Variants in ADAM12 observed in about 807,000 individuals in gnomAD.
The protein encoded by ADAM12 is ADAM metallopeptidase domain 12, also known as disintegrin and metalloproteinase domain-containing protein 12.
ADAM12 carries 70 observed loss-of-function variants against 106.4 expected under a neutral mutation model. The ratio of observed to expected loss-of-function variants is 0.66; its 90% CI spans 0.54 to 0.80. ADAM12 has a LOEUF of 0.80. Ranked by LOEUF, ADAM12 falls within the 30% of genes least tolerant of loss-of-function variation. The pLI, the probability that ADAM12 is intolerant of heterozygous loss-of-function variation, is 0.00. For synonymous variants in ADAM12, 420 were observed against 433.5 expected, an observed-to-expected ratio of 0.97 and a Z score of 0.39; for missense variants, 1,010 against 1,171.9, an observed-to-expected ratio of 0.86 and a Z score of 2.02.
intron 3 of ADAM12, among the ~76,000 whole-genome samples, chr10:126,184,423 C>T (rs76184798): frequency 0.065 from 9,910 of 152,214 alleles, 610 homozygotes; most frequent in African/African-American, 0.15. Flanking sequence ...TTTAATATGG[C>T]GCAAAGCTTG....
chr10:126,041,234 G>T, intron 18 of ADAM12: 1 of 672,668 alleles, frequency 1.5e-6, no homozygotes, highest in Non-Finnish European at 1.8e-6. Flanking sequence ...AGACACACAA[G>T]TACTTGTTTA....
rs1241053846 is a variant in ADAM12 at position 126,071,472 on chromosome 10, C to A, written c.1323+5G>T. 5.0e-6 allele frequency: 8 copies of A among 1,613,682 alleles called. No homozygotes were observed. Among genetic ancestry groups the A allele is most frequent in the Non-Finnish European group, 6.8e-6 (8 of 1,179,818 alleles). On this transcript the variant is annotated splice_donor_5th_base_variant and intron_variant, in intron 12 of 22. Coordinates refer to ENST00000448723, the MANE Select transcript of ADAM12 (RefSeq NM_001288973.2). ...TTGTATCCTTGTTCTGGGAATGGTT[C>A]TTACCTCTGGCTCCCCACAGTCACA...
At chr10:126,341,199 C>T (rs557397103) in intron 1 of ADAM12, among the ~76,000 whole-genome samples, 2 of 152,270 alleles carry the variant, frequency 1.3e-5, no homozygotes, top group South Asian at 4.2e-4. Flanking sequence ...CCGCCTACAG[C>T]CACTATCAGT....
At chr10:126,117,992 T>G in intron 6 of ADAM12, 46 bp downstream of exon 6, 582 of 1,590,628 alleles carry the variant, frequency 3.7e-4, no homozygotes, top group Non-Finnish European at 4.6e-4. Context: ...ATCCGTAGCT[T>G]GAGCTCCTAG....
chr10:126,062,131 G>T (rs1954769892), intron 14 of ADAM12, among the ~76,000 whole-genome samples: 1 of 152,204 alleles, frequency 6.6e-6, no homozygotes, highest in South Asian at 2.1e-4. Context: ...AACCCAGGAA[G>T]TCACAAGCCC....
At chr10:126,288,092 CCTGTCACACA>C (rs1217905261) in intron 2 of ADAM12, among the ~76,000 whole-genome samples, 2 of 152,066 alleles carry the variant, frequency 1.3e-5, no homozygotes, top group African/African-American at 4.8e-5. Flanking sequence ...TCCCTCCTCA[CCTGTCACACA>C]CTGTCACAAG....
At chr10:126,296,556 C>T (rs187345675) in intron 2 of ADAM12, among the ~76,000 whole-genome samples, 10 of 152,344 alleles carry the variant, frequency 6.6e-5, no homozygotes, top group Non-Finnish European at 8.8e-5. Flanking sequence ...GCTGTTCTCC[C>T]TGCCACGTGG....
At chr10:126,118,325 C>T (rs1956025704) in intron 5 of ADAM12, 101 bp from the exon 6 acceptor site, 2 of 798,900 alleles carry the variant, frequency 2.5e-6, no homozygotes, top group Non-Finnish European at 3.8e-6. Flanking sequence ...AAAACAGAAA[C>T]ACCAATTTAC....
intron 18 of ADAM12, chr10:126,041,925 G>A: frequency 1.4e-6 from 2 of 1,413,498 alleles, no homozygotes; most frequent in Non-Finnish European, 1.8e-6. Flanking sequence ...GCTCAACCAG[G>A]AAGTCGCTGC....
At chr10:126,070,159 A>C (rs1014244037) in intron 12 of ADAM12, among the ~76,000 whole-genome samples, 1 of 152,178 alleles carries the variant, frequency 6.6e-6, no homozygotes, top group East Asian at 1.9e-4. Flanking sequence ...ACCCCAACCC[A>C]TGATGGTTTT....
intron 16 of ADAM12, among the ~76,000 whole-genome samples, chr10:126,047,292 G>C (rs1316685227): frequency 6.6e-6 from 1 of 152,202 alleles, no homozygotes; most frequent in Non-Finnish European, 1.5e-5. Context: ...ATAAGGGCAA[G>C]AGGCATAGCC....
chr10:126,207,321 T>A (rs577270962), intron 3 of ADAM12, among the ~76,000 whole-genome samples: 1 of 152,264 alleles, frequency 6.6e-6, no homozygotes, highest in Non-Finnish European at 1.5e-5. Context: ...ATTGGTAGAG[T>A]TGCCACACTT....
intron 2 of ADAM12, among the ~76,000 whole-genome samples, chr10:126,300,455 C>G (rs1960570488): frequency 6.6e-6 from 1 of 152,160 alleles, no homozygotes. Flanking sequence ...TCCTCCTAAA[C>G]CCTGGCAATA....
intron 3 of ADAM12, among the ~76,000 whole-genome samples, chr10:126,192,842 T>C (rs1957527853): frequency 6.6e-6 from 1 of 152,226 alleles, no homozygotes; most frequent in Non-Finnish European, 1.5e-5. Context: ...CCTTGACTGG[T>C]CTAGAGCTGC....
chr10:126,364,116 T>C (rs1386017588), intron 1 of ADAM12, among the ~76,000 whole-genome samples: 1 of 152,046 alleles, frequency 6.6e-6, no homozygotes, highest in Non-Finnish European at 1.5e-5. Context: ...CTAAAAAAAG[T>C]TAATAAAATT....
chr10:126,319,703 A>G (rs1490180642), intron 2 of ADAM12, among the ~76,000 whole-genome samples: 1 of 152,246 alleles, frequency 6.6e-6, no homozygotes. Flanking sequence ...TACGGACATT[A>G]GCTCCTAATA....
rs565888309 is a variant in ADAM12, at chr10:126,230,392, A to G, written c.260+48523T>C. On this transcript the variant is annotated intron_variant, in intron 3 of 22. Coordinates refer to ENST00000448723, the MANE Select transcript of ADAM12 (RefSeq NM_001288973.2). The stretch of plus-strand genomic sequence containing the variant: ...TACTTTTGCATATGCCTTGGGATAC[A>G]CTATACTTTCCTGAGGATAAATCCC... 4.7e-4 allele frequency among the ~76,000 whole-genome samples: 72 copies of G among 152,304 alleles called. No homozygotes were observed. The Middle Eastern group carries it at 0.01, about 22-fold the overall frequency.
chr10:126,165,038 G>C (rs1956999616), intron 3 of ADAM12, among the ~76,000 whole-genome samples: 1 of 152,154 alleles, frequency 6.6e-6, no homozygotes, highest in Non-Finnish European at 1.5e-5. Flanking sequence ...AGAACTCATG[G>C]TCTGGGTTCT....
chr10:126,192,909 A>T lies in ADAM12; in HGVS notation c.261-37604T>A, dbSNP rs17154485. Among the ~76,000 whole-genome samples, 1,484 of 152,324 alleles carry T rather than the reference A, an allele frequency of 9.7e-3. 39 individuals are homozygous for T. Among genetic ancestry groups the T allele is most frequent in the African/African-American group, 0.033 (1,389 of 41,572 alleles). The stretch of plus-strand genomic sequence containing the variant: ...GAAACATTCAGCTTACTCCAATGGG[A>T]GAGAGTCGCCAGCCTTTGCCAAAGG... On this transcript the variant is annotated intron_variant, in intron 3 of 22. Coordinates refer to ENST00000448723, the MANE Select transcript of ADAM12 (RefSeq NM_001288973.2).
Sources: gnomAD v4.1 joint callset for allele counts (sites outside exome capture counted in the v4.1 genomes callset) on GRCh38, gnomAD v4.1.1 for gene constraint, MANE v1.5 for transcripts, NCBI Gene and HGNC (gene_info 2026-07-23, HGNC 2026-07-21) for gene names.